The following BABAM2 variants were observed in gnomAD, a reference collection of about 807,000 sequenced individuals.
BABAM2 encodes BRISC and BRCA1 A complex member 2.
Under a neutral mutation model 54.7 loss-of-function variants are expected in BABAM2, and 31 were observed. That is an observed-to-expected ratio of 0.57 (90% CI 0.43 to 0.77). The LOEUF (loss-of-function observed/expected upper bound fraction) is 0.77. Ranked by LOEUF, BABAM2 falls within the 30% of genes least tolerant of loss-of-function variation. The pLI, the probability that BABAM2 is intolerant of heterozygous loss-of-function variation, is 0.00. For synonymous variants in BABAM2, 167 were observed against 162.9 expected (o/e 1.03, Z -0.19); for missense variants, 364 against 455.8 (o/e 0.80, Z 1.83).
intron 7 of BABAM2, chr2:28,233,277 T>G (rs892616165): frequency 4.2e-6 from 2 of 471,140 alleles, no homozygotes; most frequent in African/African-American, 4.0e-5. Flanking sequence ...CTTAGTGGGT[T>G]AGTCAGGCCC....
intron 3 of BABAM2, among the ~76,000 whole-genome samples, chr2:27,974,960 A>T (rs953308659): frequency 6.6e-6 from 1 of 152,054 alleles, no homozygotes; most frequent in South Asian, 2.1e-4. Flanking sequence ...TCAGAAACAG[A>T]AAGTTAAAAA....
At chr2:27,966,172 C>T (rs1254825453) in intron 3 of BABAM2, among the ~76,000 whole-genome samples, 1 of 151,914 alleles carries the variant, frequency 6.6e-6, no homozygotes, top group Non-Finnish European at 1.5e-5. Context: ...TTGCTTAGAT[C>T]CGTTAATTTG....
chr2:28,114,404 G>T (rs139082732), intron 6 of BABAM2, among the ~76,000 whole-genome samples: 1 of 151,898 alleles, frequency 6.6e-6, no homozygotes, highest in Non-Finnish European at 1.5e-5. Context: ...ATTCATTCTC[G>T]GTATATAGAA....
At chr2:28,180,427 A>T (rs553739179) in intron 7 of BABAM2, among the ~76,000 whole-genome samples, 3 of 152,264 alleles carry the variant, frequency 2.0e-5, no homozygotes, top group African/African-American at 7.2e-5. Context: ...CACGGAACGA[A>T]ACTAGACCCC....
chr2:27,935,310 A>G (rs1406204235), intron 3 of BABAM2, among the ~76,000 whole-genome samples: 1 of 152,244 alleles, frequency 6.6e-6, no homozygotes, highest in East Asian at 1.9e-4. Flanking sequence ...TACTGCTCAG[A>G]AAAAATGATT....
rs549886091 is a variant in BABAM2 at position 28,074,528 on chromosome 2, C to A, written c.570+28729C>A. On this transcript the variant is annotated intron_variant, in intron 6 of 11. Transcript: ENST00000379624. ...GGACCAGGACTTACAAAGCAAAATT[C>A]AAATTTAGCCTTTTATGTGTTTGTA... Among the ~76,000 whole-genome samples the A allele has an allele frequency of 2.0e-5, 3 of 152,274 alleles. No homozygotes were observed. The South Asian group carries it at 6.2e-4, about 32-fold the overall frequency.
intron 7 of BABAM2, among the ~76,000 whole-genome samples, chr2:28,201,145 A>AT (rs1238181765): frequency 6.6e-6 from 1 of 152,006 alleles, no homozygotes; most frequent in Non-Finnish European, 1.5e-5. Context: ...CCTGTGTTCC[A>AT]TTTTTTAAAA....
intron 10 of BABAM2, among the ~76,000 whole-genome samples, chr2:28,297,028 T>G (rs747501158): frequency 1.3e-5 from 2 of 152,208 alleles, no homozygotes; most frequent in Non-Finnish European, 2.9e-5. Context: ...CTTCCTCATG[T>G]AGCTAAAAAG....
intron 10 of BABAM2, among the ~76,000 whole-genome samples, chr2:28,278,934 G>A (rs1238310962): frequency 6.6e-6 from 1 of 152,234 alleles, no homozygotes; most frequent in African/African-American, 2.4e-5. Flanking sequence ...ATGCCTTAGA[G>A]TAGGCGGAAG....
intron 10 of BABAM2, among the ~76,000 whole-genome samples, chr2:28,293,894 A>T (rs1687482866): frequency 6.6e-6 from 1 of 152,168 alleles, no homozygotes; most frequent in Non-Finnish European, 1.5e-5. Flanking sequence ...AGAAGAAAGA[A>T]ATGGTTACTG....
Position 28,286,145 on chromosome 2 carries a change from A to G in BABAM2, c.935-12193A>G, listed in dbSNP as rs142544183. On this transcript the variant is annotated intron_variant, in intron 10 of 11. Transcript: ENST00000379624. ...TAATTTTTGTATTTTTATTAGAAAC[A>G]GGGTTTCACCATGTTGGCCAGGGTG... Among the ~76,000 whole-genome samples, 1,100 of 151,912 alleles carry G rather than the reference A, an allele frequency of 7.2e-3. 10 individuals are homozygous for G. Among genetic ancestry groups the G allele is most frequent in the African/African-American group, 0.025 (1,042 of 41,408 alleles).
intron 4 of BABAM2, among the ~76,000 whole-genome samples, chr2:28,016,697 A>G (rs1424915291): frequency 2.6e-5 from 4 of 152,230 alleles, no homozygotes. Flanking sequence ...AATTATTAGA[A>G]TATTTGAAAA....
chr2:27,938,711 A>C (rs761013198), intron 3 of BABAM2, among the ~76,000 whole-genome samples: 8 of 152,024 alleles, frequency 5.3e-5, no homozygotes, highest in Non-Finnish European at 8.8e-5. Context: ...TTTTTAAAGA[A>C]ACAGACCTCT....
intron 3 of BABAM2, among the ~76,000 whole-genome samples, chr2:27,984,277 C>G (rs1170557873): frequency 6.6e-6 from 1 of 151,898 alleles, no homozygotes; most frequent in Non-Finnish European, 1.5e-5. Context: ...CTAAAGTAAG[C>G]CAACTATAGG....
chr2:28,022,322 A>G (rs931727645), intron 4 of BABAM2, among the ~76,000 whole-genome samples: 14 of 152,204 alleles, frequency 9.2e-5, no homozygotes, highest in African/African-American at 3.1e-4. Context: ...TAGTTAACTG[A>G]TTGGAGGAAG....
rs192321967 is a variant in BABAM2, at chr2:28,064,778, G to C, written c.570+18979G>C. Among the ~76,000 whole-genome samples the C allele has an allele frequency of 4.1e-3, 629 of 152,170 alleles. 1 individual carries two copies. Among genetic ancestry groups the C allele is most frequent in the Non-Finnish European group, 7.0e-3 (476 of 67,994 alleles). On this transcript the variant is annotated intron_variant, in intron 6 of 11. Coordinates refer to ENST00000379624, the MANE Select transcript of BABAM2 (RefSeq NM_199191.3). ...GCATTTTGGGAGGCGGAGGTGGGCGGATCACCTGAGGTCAGGAGTTCAAGA... is the reference window on the plus strand; with the variant it reads ...GCATTTTGGGAGGCGGAGGTGGGCGCATCACCTGAGGTCAGGAGTTCAAGA...
At chr2:28,076,508 A>AGTTG (rs57055609) in intron 6 of BABAM2, among the ~76,000 whole-genome samples, 1 of 149,350 alleles carries the variant, frequency 6.7e-6, no homozygotes, top group African/African-American at 2.5e-5. Flanking sequence ...TTAGTTAGTT[A>AGTTG]TTTTTGAGAC....
intron 11 of BABAM2, among the ~76,000 whole-genome samples, chr2:28,303,770 C>T (rs1688293982): frequency 6.6e-6 from 1 of 152,062 alleles, no homozygotes; most frequent in Non-Finnish European, 1.5e-5. Context: ...TTTTACAATA[C>T]TGAATCTTTT....
intron 10 of BABAM2, among the ~76,000 whole-genome samples, chr2:28,286,622 G>A (rs1445835846): frequency 2.0e-5 from 3 of 152,078 alleles, no homozygotes; most frequent in Non-Finnish European, 4.4e-5. Flanking sequence ...TCCTCCCACT[G>A]CCACTGCCTA....
Sources: allele counts gnomAD v4.1 joint callset (sites outside exome capture counted in the v4.1 genomes callset), GRCh38; gene constraint gnomAD v4.1.1; transcripts MANE v1.5; gene names NCBI Gene and HGNC (gene_info 2026-07-23, HGNC 2026-07-21).